CDK8: variants seen among roughly 807,000 people sequenced by gnomAD.
CDK8 encodes cyclin dependent kinase 8.
A neutral mutation model predicts 71.5 loss-of-function variants in CDK8; 29 were observed. That is an observed-to-expected ratio of 0.41 (90% confidence interval 0.30 to 0.55). The LOEUF (loss-of-function observed/expected upper bound fraction) is 0.55. Among genes scored for constraint, CDK8 ranks in the 20% least tolerant of loss-of-function variants. The probability of loss-of-function intolerance (pLI) is 0.37; values close to 1 mark genes in which losing one functional copy is unlikely to be tolerated. For synonymous variants in CDK8, 161 were observed against 192.1 expected (o/e 0.84, Z 1.34); for missense variants, 288 against 572.6 (o/e 0.50, Z 5.07).
chr13:26,299,211 G>A (rs867043775), intron 1 of CDK8, among the ~76,000 whole-genome samples: 3 of 152,110 alleles, frequency 2.0e-5, no homozygotes, highest in South Asian at 2.1e-4. Context: ...AGGAACCATC[G>A]TTATTTTCAA....
chr13:26,365,180 A>C (rs1874329700), intron 4 of CDK8, among the ~76,000 whole-genome samples: 1 of 152,206 alleles, frequency 6.6e-6, no homozygotes, highest in African/African-American at 2.4e-5. Flanking sequence ...CTTGCAGATA[A>C]AACATGGGTT....
At chr13:26,290,566 C>T (rs1294455300) in intron 1 of CDK8, among the ~76,000 whole-genome samples, 2 of 152,074 alleles carry the variant, frequency 1.3e-5, no homozygotes, top group African/African-American at 4.8e-5. Context: ...CACACACACC[C>T]CTTTCAAACC....
chr13:26,344,948 T>C (rs1226633388), intron 2 of CDK8, among the ~76,000 whole-genome samples: 2 of 152,136 alleles, frequency 1.3e-5, no homozygotes, highest in Non-Finnish European at 2.9e-5. Flanking sequence ...ATTAGAGGCA[T>C]TTATTATCAT....
chr13:26,354,981 A>T (rs985736797), intron 4 of CDK8, among the ~76,000 whole-genome samples: 2 of 152,188 alleles, frequency 1.3e-5, no homozygotes, highest in African/African-American at 4.8e-5. Flanking sequence ...TATAAACACA[A>T]TGCTAAAAGT....
At chr13:26,375,141 T>G (rs1874886022) in intron 4 of CDK8, among the ~76,000 whole-genome samples, 1 of 152,212 alleles carries the variant, frequency 6.6e-6, no homozygotes, top group African/African-American at 2.4e-5. Context: ...ATATTTAGTT[T>G]GATGCCTTTT....
intron 4 of CDK8, among the ~76,000 whole-genome samples, chr13:26,373,174 C>T (rs2138031053): frequency 6.6e-6 from 1 of 152,308 alleles, no homozygotes; most frequent in Admixed American, 6.5e-5. Context: ...CCCTCACCAT[C>T]CTGTACATAC....
At chr13:26,303,032 T>A (rs554885693) in intron 1 of CDK8, among the ~76,000 whole-genome samples, 1 of 152,278 alleles carries the variant, frequency 6.6e-6, no homozygotes, top group East Asian at 1.9e-4. Flanking sequence ...TTGGAATTGT[T>A]GGTCCTTTTT....
chr13:26,402,541 G>T (rs1876314563), intron 12 of CDK8, among the ~76,000 whole-genome samples: 1 of 152,198 alleles, frequency 6.6e-6, no homozygotes. Flanking sequence ...TGTACTTTCA[G>T]AATTAGGTAT....
chr13:26,382,284 C>A (rs1444534975), intron 4 of CDK8, among the ~76,000 whole-genome samples: 1 of 152,084 alleles, frequency 6.6e-6, no homozygotes, highest in Admixed American at 6.5e-5. Context: ...TAAAACTGTT[C>A]CTGTCATGAA....
chr13:26,329,388 TCTTAA>T lies in CDK8; in HGVS notation c.129-8174_129-8170del, dbSNP rs147099834. ...TTATTTTTTTAATATAATATTTTCT[TCTTAA>T]CTTATTTTGGACACTCTACATACCT... On this transcript the variant is annotated intron_variant, in intron 1 of 12. Transcript: ENST00000381527. Among the ~76,000 whole-genome samples, 1,011 of 151,632 alleles carry T rather than the reference TCTTAA, an allele frequency of 6.7e-3. 15 individuals are homozygous for T. The highest frequency in any genetic ancestry group is 0.022 in the African/African-American group (927 of 41,418).
intron 4 of CDK8, among the ~76,000 whole-genome samples, chr13:26,373,878 G>A (rs1565990839): frequency 1.3e-5 from 2 of 151,754 alleles, no homozygotes; most frequent in Admixed American, 1.3e-4. Context: ...AGTATCAGAA[G>A]TGTTAAAAAA....
chr13:26,292,676 A>T (rs1448201301), intron 1 of CDK8, among the ~76,000 whole-genome samples: 1 of 152,216 alleles, frequency 6.6e-6, no homozygotes, highest in African/African-American at 2.4e-5. Context: ...TACTAAAAGG[A>T]GGAAGAGAAG....
intron 1 of CDK8, among the ~76,000 whole-genome samples, chr13:26,294,604 C>G (rs571508876): frequency 3.9e-5 from 6 of 152,270 alleles, no homozygotes; most frequent in Non-Finnish European, 8.8e-5. Context: ...GCCACTCTAA[C>G]AGATAGGAAG....
intron 3 of CDK8, among the ~76,000 whole-genome samples, chr13:26,349,777 CTGT>C (rs1198456373): frequency 2.0e-5 from 3 of 149,822 alleles, no homozygotes; most frequent in South Asian, 2.1e-4. Context: ...ATGTAGGAAA[CTGT>C]TATTAATTAT....
At chr13:26,261,854 C>A (rs1452055100) in intron 1 of CDK8, among the ~76,000 whole-genome samples, 1 of 152,122 alleles carries the variant, frequency 6.6e-6, no homozygotes, top group African/African-American at 2.4e-5. Context: ...AGCTGAGAAC[C>A]AATTTTGAGT....
intron 3 of CDK8, among the ~76,000 whole-genome samples, chr13:26,349,915 C>T (rs1018075084): frequency 6.6e-6 from 1 of 152,084 alleles, no homozygotes; most frequent in African/African-American, 2.4e-5. Flanking sequence ...TAGTGGTCTC[C>T]TAAGATTATA....
intron 1 of CDK8, among the ~76,000 whole-genome samples, chr13:26,290,062 G>A (rs189627789): frequency 6.6e-5 from 10 of 152,256 alleles, no homozygotes; most frequent in African/African-American, 2.2e-4. Context: ...TGTATAGGTA[G>A]TAGTCCAAAT....
intron 1 of CDK8, among the ~76,000 whole-genome samples, chr13:26,297,369 A>G (rs142559718): frequency 6.6e-6 from 1 of 152,336 alleles, no homozygotes; most frequent in Non-Finnish European, 1.5e-5. Flanking sequence ...AGCTAGGAAG[A>G]TAAAGAACAG....
chr13:26,283,503 G>C (rs1335669001), intron 1 of CDK8, among the ~76,000 whole-genome samples: 1 of 152,130 alleles, frequency 6.6e-6, no homozygotes, highest in African/African-American at 2.4e-5. Context: ...AGCTACTCTG[G>C]AGACTGAGGG....
Sources: allele counts gnomAD v4.1 joint callset (sites outside exome capture counted in the v4.1 genomes callset), GRCh38; gene constraint gnomAD v4.1.1; transcripts MANE v1.5; gene names NCBI Gene and HGNC (gene_info 2026-07-23, HGNC 2026-07-21).